The following KALRN variants were observed in gnomAD, a reference collection of about 807,000 sequenced individuals.
KALRN encodes the protein kalirin RhoGEF kinase, also known as kalirin.
KALRN carries 70 observed loss-of-function variants against 353.7 expected under a neutral mutation model. That is an observed-to-expected ratio of 0.20 (90% CI 0.16 to 0.24). The LOEUF (loss-of-function observed/expected upper bound fraction) is 0.24. Ranked by LOEUF, KALRN falls within the 10% of genes least tolerant of loss-of-function variation. The pLI is 1.00. For missense variants in KALRN, 2,791 were observed against 3,756.7 expected (o/e 0.74, Z 6.72); for synonymous variants, 1,391 against 1,434.8 (o/e 0.97, Z 0.69).
intron 33 of KALRN, among the ~76,000 whole-genome samples, chr3:124,538,260 T>TTGTGTGTG (rs113800335): frequency 4.7e-5 from 7 of 149,966 alleles, no homozygotes; most frequent in Admixed American, 1.3e-4. Context: ...GTGTGTGTGT[T>TTGTGTGTG]TGTGTGTGTG....
intron 33 of KALRN, among the ~76,000 whole-genome samples, chr3:124,537,545 G>GGT (rs1469691311): frequency 6.6e-6 from 1 of 152,186 alleles, no homozygotes; most frequent in Non-Finnish European, 1.5e-5. Context: ...TCGTGAATGA[G>GGT]GTGGCCTTTG....
At chr3:124,643,820 A>G (rs1452376606) in intron 37 of KALRN, among the ~76,000 whole-genome samples, 1 of 152,162 alleles carries the variant, frequency 6.6e-6, no homozygotes, top group African/African-American at 2.4e-5. Flanking sequence ...TTACAACATG[A>G]TGTTATGAGA....
chr3:124,212,059 A>G (rs529530719), intron 1 of KALRN, among the ~76,000 whole-genome samples: 1 of 152,176 alleles, frequency 6.6e-6, no homozygotes, highest in African/African-American at 2.4e-5. Context: ...CATTTAAGAG[A>G]CCAAAGCGGC....
chr3:124,401,752 T>C (rs11717452), intron 13 of KALRN, among the ~76,000 whole-genome samples: 36,582 of 151,964 alleles, frequency 0.24, 5,794 homozygotes, highest in Middle Eastern at 0.38. Flanking sequence ...GCCCAAAAGC[T>C]TGGGGAGAAT....
At chr3:124,219,476 G>T (rs1441040156) in intron 1 of KALRN, among the ~76,000 whole-genome samples, 1 of 152,194 alleles carries the variant, frequency 6.6e-6, no homozygotes, top group African/African-American at 2.4e-5. Flanking sequence ...AAGGCTGCCC[G>T]ACCTAGTTAT....
At chr3:124,190,983 C>T (rs1307943926) in intron 1 of KALRN, among the ~76,000 whole-genome samples, 1 of 152,168 alleles carries the variant, frequency 6.6e-6, no homozygotes, top group African/African-American at 2.4e-5. Context: ...AATTGGGGTT[C>T]GCATGATCCC....
intron 47 of KALRN, among the ~76,000 whole-genome samples, chr3:124,668,039 T>A (rs2085867255): frequency 7.9e-6 from 1 of 126,016 alleles, no homozygotes; most frequent in African/African-American, 3.1e-5. Context: ...TGCCTGTATA[T>A]CGAGACACAC....
At chr3:124,701,982 T>C in intron 56 of KALRN, 56 bp from the exon 57 acceptor site, 2 of 1,389,792 alleles carry the variant, frequency 1.4e-6, no homozygotes, top group Non-Finnish European at 2.0e-6. Context: ...GTTAATTTTT[T>C]CTTTATTCTT....
intron 11 of KALRN, among the ~76,000 whole-genome samples, chr3:124,391,062 G>T: frequency 6.6e-6 from 1 of 152,190 alleles, no homozygotes; most frequent in East Asian, 1.9e-4. Flanking sequence ...TCTTTTGGAT[G>T]TAGATATTTT....
At chr3:124,312,510 G>A (rs2078374798) in intron 6 of KALRN, among the ~76,000 whole-genome samples, 1 of 152,142 alleles carries the variant, frequency 6.6e-6, no homozygotes, top group South Asian at 2.1e-4. Context: ...TGAAAAAAAA[G>A]AAAAGAAGAC....
chr3:124,514,119 A>G (rs906505560), intron 33 of KALRN, among the ~76,000 whole-genome samples: 3 of 152,172 alleles, frequency 2.0e-5, no homozygotes, highest in Admixed American at 6.5e-5. Context: ...TTGTTACTGT[A>G]TATCTCAGTT....
chr3:124,215,241 G>A (rs1042976501), intron 1 of KALRN, among the ~76,000 whole-genome samples: 2 of 152,176 alleles, frequency 1.3e-5, no homozygotes, highest in Admixed American at 6.5e-5. Context: ...GGGCACCTGG[G>A]TAGGGGAGCA....
rs1374976098 is a variant in KALRN at position 124,251,484 on chromosome 3, C to G, written c.264-13014C>G. Reference sequence around the variant, plus strand: ...TTCTGGGCTCAAGCTATCCTCCCACCTCAGCCTCCCTAGTAGCTGGGACTA... The same window carrying G: ...TTCTGGGCTCAAGCTATCCTCCCACGTCAGCCTCCCTAGTAGCTGGGACTA... On this transcript the variant is annotated intron_variant, in intron 3 of 59. Transcript: ENST00000682506. Among the ~76,000 whole-genome samples the G allele has an allele frequency of 5.3e-5, 8 of 152,012 alleles. No individual in the cohort carries two copies. The East Asian group carries it at 1.6e-3, about 30-fold the overall frequency.
intron 1 of KALRN, among the ~76,000 whole-genome samples, chr3:124,068,781 A>G (rs114187493): frequency 0.016 from 2,446 of 152,328 alleles, 50 homozygotes; most frequent in African/African-American, 0.056. Flanking sequence ...ACAAAAAGAA[A>G]AAAAAAATAT....
chr3:124,505,930 C>A (rs2065166961), intron 33 of KALRN, among the ~76,000 whole-genome samples: 1 of 152,188 alleles, frequency 6.6e-6, no homozygotes, highest in Non-Finnish European at 1.5e-5. Context: ...ACCTACCTGG[C>A]AGTTTAGTGT....
chr3:124,584,974 G>T, intron 34 of KALRN: 1 of 1,531,240 alleles, frequency 6.5e-7, no homozygotes, highest in Non-Finnish European at 8.8e-7. Flanking sequence ...GCGAGGGAGG[G>T]TGGTAGGGAG....
chr3:124,575,697 C>CA (rs1226416199), intron 34 of KALRN, among the ~76,000 whole-genome samples: 2 of 152,132 alleles, frequency 1.3e-5, no homozygotes, highest in East Asian at 3.9e-4. Flanking sequence ...CAGAGACCAC[C>CA]ACACTTTCTC....
chr3:124,156,388 G>C (rs1489387866), intron 1 of KALRN, among the ~76,000 whole-genome samples: 2 of 152,166 alleles, frequency 1.3e-5, no homozygotes, highest in East Asian at 1.9e-4. Flanking sequence ...GGGATACTTA[G>C]TTTACCTCTA....
intron 1 of KALRN, among the ~76,000 whole-genome samples, chr3:124,188,452 A>G (rs1362000811): frequency 1.3e-5 from 2 of 152,236 alleles, no homozygotes; most frequent in Non-Finnish European, 2.9e-5. Flanking sequence ...TATCATTAAT[A>G]TCATTATCCC....
Sources: allele counts gnomAD v4.1 joint callset (sites outside exome capture counted in the v4.1 genomes callset), GRCh38; gene constraint gnomAD v4.1.1; transcripts MANE v1.5; gene names NCBI Gene and HGNC (gene_info 2026-07-23, HGNC 2026-07-21).